The following ITGBL1 variants were observed in gnomAD, a reference collection of about 807,000 sequenced individuals.
ITGBL1 encodes the protein integrin subunit beta like 1.
A neutral mutation model predicts 68.5 loss-of-function variants in ITGBL1; 51 were observed. That is an observed-to-expected ratio of 0.74 (90% CI 0.59 to 0.94). The LOEUF (loss-of-function observed/expected upper bound fraction) is 0.94. Ranked by LOEUF, ITGBL1 falls within the 40% of genes least tolerant of loss-of-function variation. The probability of loss-of-function intolerance (pLI) is 0.00; values close to 1 mark genes in which losing one functional copy is unlikely to be tolerated. For missense variants in ITGBL1, 649 were observed against 647.4 expected, an observed-to-expected ratio of 1.00 and a Z score of -0.03; for synonymous variants, 209 against 227.3, an observed-to-expected ratio of 0.92 and a Z score of 0.72.
intron 7 of ITGBL1, among the ~76,000 whole-genome samples, chr13:101,612,233 A>G (rs746851679): frequency 1.3e-5 from 2 of 152,224 alleles, no homozygotes. Flanking sequence ...ATGGCCTGGC[A>G]TGGTACAGTT....
intron 7 of ITGBL1, among the ~76,000 whole-genome samples, chr13:101,646,947 G>A (rs922538089): frequency 5.3e-5 from 8 of 152,002 alleles, no homozygotes; most frequent in Non-Finnish European, 1.0e-4. Context: ...TATATAATCC[G>A]TTAACAAGAA....
intron 2 of ITGBL1, among the ~76,000 whole-genome samples, chr13:101,473,321 G>A (rs190594303): frequency 7.9e-5 from 12 of 152,318 alleles, no homozygotes; most frequent in African/African-American, 2.9e-4. Flanking sequence ...GCCATGTAGT[G>A]TGGAGAGATC....
intron 2 of ITGBL1, among the ~76,000 whole-genome samples, chr13:101,556,136 C>T (rs1257418710): frequency 6.6e-6 from 1 of 152,096 alleles, no homozygotes; most frequent in African/African-American, 2.4e-5. Flanking sequence ...ATCATTAGCT[C>T]CTTTTTCACA....
At chr13:101,717,327 G>A (rs2034763548), downstream of ITGBL1, 1 of 152,092 alleles carries the variant, frequency 6.6e-6, no homozygotes, top group Admixed American at 6.6e-5. Flanking sequence ...TCTATCCTGA[G>A]ATTAAGGAGT....
chr13:101,493,372 A>C (rs938056049), intron 2 of ITGBL1, among the ~76,000 whole-genome samples: 1 of 152,132 alleles, frequency 6.6e-6, no homozygotes, highest in Non-Finnish European at 1.5e-5. Context: ...TTTCGATTAC[A>C]TAGTTTTAAT....
intron 2 of ITGBL1, among the ~76,000 whole-genome samples, chr13:101,489,592 C>T (rs1050917837): frequency 1.3e-5 from 2 of 152,052 alleles, no homozygotes; most frequent in East Asian, 1.9e-4. Context: ...AGAAAAATAT[C>T]GCATAGCATC....
chr13:101,539,050 C>CTTTTTTTT (rs35288585), intron 2 of ITGBL1, among the ~76,000 whole-genome samples: 6 of 99,620 alleles, frequency 6.0e-5, no homozygotes, highest in Admixed American at 2.4e-4. Context: ...TGTGCTGCTT[C>CTTTTTTTT]TTTTTTTTTT....
intron 7 of ITGBL1, among the ~76,000 whole-genome samples, chr13:101,639,227 A>G (rs9554813): frequency 0.2 from 30,223 of 152,136 alleles, 3,317 homozygotes; most frequent in East Asian, 0.43. Context: ...AATTACAAAA[A>G]AATTCAGACT....
At chr13:101,459,325 C>T (rs2048286773) in intron 2 of ITGBL1, among the ~76,000 whole-genome samples, 1 of 152,190 alleles carries the variant, frequency 6.6e-6, no homozygotes, top group Admixed American at 6.5e-5. Context: ...TTTTCTGTAA[C>T]AGTATCCTTA....
At chr13:101,453,436 G>A (rs901165962) in intron 1 of ITGBL1, among the ~76,000 whole-genome samples, 4 of 152,204 alleles carry the variant, frequency 2.6e-5, no homozygotes, top group Non-Finnish European at 4.4e-5. Flanking sequence ...ATAGATTCAC[G>A]TTTTCTCTTC....
intron 6 of ITGBL1, among the ~76,000 whole-genome samples, chr13:101,596,577 C>G (rs1298492255): frequency 6.6e-6 from 1 of 152,070 alleles, no homozygotes; most frequent in Non-Finnish European, 1.5e-5. Context: ...GTCACTTATA[C>G]CTCAATAAAT....
chr13:101,607,827 T>G (rs1410050781), intron 7 of ITGBL1, among the ~76,000 whole-genome samples: 1 of 152,098 alleles, frequency 6.6e-6, no homozygotes, highest in Non-Finnish European at 1.5e-5. Context: ...CATTGACTTC[T>G]ATAATCATCA....
At chr13:101,576,504 C>T (rs1018003270) in intron 4 of ITGBL1, among the ~76,000 whole-genome samples, 1 of 152,188 alleles carries the variant, frequency 6.6e-6, no homozygotes, top group African/African-American at 2.4e-5. Flanking sequence ...ACTTATATTT[C>T]ACTCCTATCT....
intron 2 of ITGBL1, among the ~76,000 whole-genome samples, chr13:101,494,473 A>G (rs1043431958): frequency 6.6e-6 from 1 of 152,236 alleles, no homozygotes. Flanking sequence ...CTTGTATACA[A>G]ATAAATATAT....
intron 7 of ITGBL1, among the ~76,000 whole-genome samples, chr13:101,683,996 A>T (rs2033700036): frequency 1.3e-5 from 2 of 151,982 alleles, no homozygotes; most frequent in African/African-American, 4.8e-5. Flanking sequence ...CACTGATATC[A>T]TCTCTCATTC....
At chr13:101,494,505 CG>C (rs1288679680) in intron 2 of ITGBL1, among the ~76,000 whole-genome samples, 1 of 152,150 alleles carries the variant, frequency 6.6e-6, no homozygotes, top group Non-Finnish European at 1.5e-5. Flanking sequence ...ATGCTTCATA[CG>C]CACTTTCTCA....
Position 101,672,139 on chromosome 13 carries a change from C to A in ITGBL1, c.1016-20446C>A, listed in dbSNP as rs915681759. ...TTTACAAACAAATTAATCTTATTCTCATTATCTTTAGTAAAGATTGGGATG... is the reference window on the plus strand; with the variant it reads ...TTTACAAACAAATTAATCTTATTCTAATTATCTTTAGTAAAGATTGGGATG... On this transcript the variant is annotated intron_variant, in intron 7 of 10. Coordinates refer to ENST00000376180, the MANE Select transcript of ITGBL1 (RefSeq NM_004791.3). Among the ~76,000 whole-genome samples the A allele has an allele frequency of 2.6e-5, 4 of 152,134 alleles. No homozygotes were observed. The South Asian group carries it at 8.3e-4, about 32-fold the overall frequency.
intron 2 of ITGBL1, among the ~76,000 whole-genome samples, chr13:101,470,213 G>T (rs566126937): frequency 6.6e-6 from 1 of 152,288 alleles, no homozygotes; most frequent in Admixed American, 6.5e-5. Context: ...AACCTTGGAA[G>T]CTCTGCTTTC....
intron 2 of ITGBL1, among the ~76,000 whole-genome samples, chr13:101,522,921 G>A (rs767634510): frequency 7.9e-5 from 12 of 152,180 alleles, no homozygotes; most frequent in Non-Finnish European, 1.5e-4. Flanking sequence ...AGGACAAGCC[G>A]TTGGTTACAT....
Sources: allele counts gnomAD v4.1 joint callset (sites outside exome capture counted in the v4.1 genomes callset), GRCh38; gene constraint gnomAD v4.1.1; transcripts MANE v1.5; gene names NCBI Gene and HGNC (gene_info 2026-07-23, HGNC 2026-07-21).